The following SAMD12 variants were observed in gnomAD, a reference collection of about 807,000 sequenced individuals.
SAMD12 encodes the protein sterile alpha motif domain containing 12.
In SAMD12, 9 loss-of-function variants were observed where a neutral mutation model predicts 15.0. The observed-to-expected ratio is 0.60, with a 90% CI of 0.36 to 1.05. The LOEUF (loss-of-function observed/expected upper bound fraction) is 1.05, where lower values mean the gene tolerates loss of function less well. Ranked by LOEUF, SAMD12 falls within the 50% of genes least tolerant of loss-of-function variation. The pLI, the probability that SAMD12 is intolerant of heterozygous loss-of-function variation, is 0.01. For synonymous variants in SAMD12, 86 were observed against 90.1 expected, an observed-to-expected ratio of 0.96 and a Z score of 0.25; for missense variants, 230 against 234.2, an observed-to-expected ratio of 0.98 and a Z score of 0.12.
At chr8:118,428,336 C>CCATGG (rs1401471813) in intron 3 of SAMD12, among the ~76,000 whole-genome samples, 1 of 151,584 alleles carries the variant, frequency 6.6e-6, no homozygotes, top group Admixed American at 6.6e-5. Flanking sequence ...GAGGTTGGGG[C>CCATGG]CATGGGATCT....
chr8:118,543,353 C>T (rs372408347), intron 2 of SAMD12, among the ~76,000 whole-genome samples: 20 of 152,266 alleles, frequency 1.3e-4, no homozygotes, highest in South Asian at 6.2e-4. Context: ...TCACTCATTC[C>T]GAGTCTCTAA....
chr8:118,400,343 C>A (rs77008893), intron 3 of SAMD12: 1 of 152,128 alleles, frequency 6.6e-6, no homozygotes, highest in East Asian at 1.9e-4. Context: ...GAGGCGATGC[C>A]GTGGGTCAAA....
intron 4 of SAMD12, among the ~76,000 whole-genome samples, chr8:118,336,827 C>T (rs1329477824): frequency 6.6e-6 from 1 of 152,188 alleles, no homozygotes; most frequent in Non-Finnish European, 1.5e-5. Context: ...GAATACTATG[C>T]AGCCACAAAA....
At chr8:118,178,277 T>C in the SAMD12 span, among the ~76,000 whole-genome samples, 2 of 152,138 alleles carry the variant, frequency 1.3e-5, no homozygotes, top group African/African-American at 4.8e-5. Context: ...CAACGTTTTG[T>C]TCAATTGCAA....
chr8:118,470,242 TC>T (rs1823753603), intron 2 of SAMD12, among the ~76,000 whole-genome samples: 3 of 146,316 alleles, frequency 2.1e-5, no homozygotes, highest in African/African-American at 8.2e-5. Flanking sequence ...CAATATGTTA[TC>T]TTTTTTTTTT....
At chr8:118,617,224 G>C (rs1235932005) in intron 1 of SAMD12, among the ~76,000 whole-genome samples, 2 of 152,202 alleles carry the variant, frequency 1.3e-5, no homozygotes, top group South Asian at 4.1e-4. Flanking sequence ...AGTTCAAGTT[G>C]GGTACAAAGT....
At chr8:118,474,545 TA>T (rs200918706) in intron 2 of SAMD12, among the ~76,000 whole-genome samples, 2,822 of 148,508 alleles carry the variant, frequency 0.019, 80 homozygotes, top group African/African-American at 0.069. Context: ...CATGCCCAGC[TA>T]TTTTTTTTTT....
At chr8:118,269,828 C>T (rs1813301718) in intron 4 of SAMD12, among the ~76,000 whole-genome samples, 1 of 152,168 alleles carries the variant, frequency 6.6e-6, no homozygotes, top group African/African-American at 2.4e-5. Flanking sequence ...CCCCTTCCTT[C>T]CTAGTTGCAG....
At chr8:118,163,642 G>A in the SAMD12 span, among the ~76,000 whole-genome samples, 2 of 152,090 alleles carry the variant, frequency 1.3e-5, no homozygotes, top group Non-Finnish European at 2.9e-5. Context: ...TTGGGAGGCC[G>A]AGGCGGGCGG....
At chr8:118,487,710 A>C (rs1824328929) in intron 2 of SAMD12, among the ~76,000 whole-genome samples, 1 of 152,216 alleles carries the variant, frequency 6.6e-6, no homozygotes, top group Non-Finnish European at 1.5e-5. Context: ...TCTTAGAGAA[A>C]AGGAAAATGG....
chr8:118,379,066 C>T lies in SAMD12; in HGVS notation c.*351G>A. The stretch of plus-strand genomic sequence containing the variant: ...ACATATCTAAAATGTTTTTCTCCCA[C>T]TAACCGGTGAAAAGCAAAACAAAAA... On this transcript the variant is annotated 3_prime_UTR_variant, in exon 4 of 4. Transcript: ENST00000314727. 9.6e-7 allele frequency: 1 copy of T among 1,042,156 alleles called. No individual in the cohort carries two copies. Among genetic ancestry groups the T allele is most frequent in the East Asian group, 7.2e-5 (1 of 13,864 alleles). The allele number at this position is 1,042,156 out of a possible 1,614,324, so 64.6% of individuals were successfully genotyped here.
intron 2 of SAMD12, among the ~76,000 whole-genome samples, chr8:118,490,300 G>A (rs1824406565): frequency 6.6e-6 from 1 of 152,098 alleles, no homozygotes; most frequent in South Asian, 2.1e-4. Flanking sequence ...ATAATAGTGG[G>A]TCATGTCTAT....
chr8:118,284,319 TA>T (rs1563731616), intron 4 of SAMD12: 3 of 456,336 alleles, frequency 6.6e-6, no homozygotes, highest in Non-Finnish European at 1.3e-5. Context: ...GATGGCTTCA[TA>T]ACTTCCCTTC....
the SAMD12 span, among the ~76,000 whole-genome samples, chr8:118,173,219 C>T: frequency 6.6e-6 from 1 of 152,192 alleles, no homozygotes; most frequent in Non-Finnish European, 1.5e-5. Context: ...TCTTTGCCTT[C>T]CATCCAAGTA....
At chr8:118,513,696 T>C (rs957940268) in intron 2 of SAMD12, among the ~76,000 whole-genome samples, 1 of 152,208 alleles carries the variant, frequency 6.6e-6, no homozygotes, top group Non-Finnish European at 1.5e-5. Context: ...GGGGTGGATG[T>C]AGTGGTGACA....
chr8:118,542,560 C>T (rs918752428), intron 2 of SAMD12, among the ~76,000 whole-genome samples: 7 of 152,240 alleles, frequency 4.6e-5, no homozygotes, highest in Non-Finnish European at 7.4e-5. Context: ...CCCAACATCA[C>T]TGCATAAGAA....
intron 1 of SAMD12, chr8:118,621,560 C>A: frequency 1.8e-6 from 1 of 558,144 alleles, no homozygotes; most frequent in Admixed American, 3.1e-5. Context: ...CAGGGACACT[C>A]GTCTCCACAC....
rs1394168255 is a variant in SAMD12, at chr8:118,189,460, C to T, written c.*8250G>A. On this transcript the variant is annotated 3_prime_UTR_variant, in exon 5 of 5. Transcript: ENST00000409003. ...GAAAATCAGAATCAAAACGCTTTTA[C>T]ACGGTAATAGAAATCCCACATTTTA... The T allele has an allele frequency of 2.0e-5, 3 of 152,030 alleles. No individual in the cohort carries two copies. In the East Asian group the frequency reaches 5.8e-4, roughly 29 times the overall value. 9.4% of individuals were successfully genotyped at this position (152,030 alleles called of 1,614,324 possible). A position where few individuals can be genotyped will look rare whatever the true frequency, so the allele number is the denominator to read the frequency against.
At chr8:118,580,504 A>G (rs1827266027) in intron 2 of SAMD12, among the ~76,000 whole-genome samples, 1 of 152,188 alleles carries the variant, frequency 6.6e-6, no homozygotes, top group Non-Finnish European at 1.5e-5. Flanking sequence ...TCACACTATG[A>G]GACTGGCCAC....
Sources: gnomAD v4.1 joint callset for allele counts (sites outside exome capture counted in the v4.1 genomes callset) on GRCh38, gnomAD v4.1.1 for gene constraint, MANE v1.5 for transcripts, NCBI Gene and HGNC (gene_info 2026-07-23, HGNC 2026-07-21) for gene names.